SPTLC3: variants seen among roughly 807,000 people sequenced by gnomAD.
The protein encoded by SPTLC3 is serine palmitoyltransferase long chain base subunit 3, also known as serine palmitoyltransferase 3.
Under a neutral mutation model 59.3 loss-of-function variants are expected in SPTLC3, and 36 were observed. The observed-to-expected ratio is 0.61, with a 90% CI of 0.47 to 0.80. SPTLC3 has a LOEUF of 0.80. Ranked by LOEUF, SPTLC3 falls within the 30% of genes least tolerant of loss-of-function variation. The pLI, the probability that SPTLC3 is intolerant of heterozygous loss-of-function variation, is 0.00. For synonymous variants in SPTLC3, 257 were observed against 240.8 expected, an observed-to-expected ratio of 1.07 and a Z score of -0.62; for missense variants, 625 against 685.1, an observed-to-expected ratio of 0.91 and a Z score of 0.98.
Position 13,158,868 on chromosome 20 carries a change from G to A in SPTLC3, c.1416-1135G>A, listed in dbSNP as rs564784776. On this transcript the variant is annotated intron_variant, in intron 10 of 11. Transcript: ENST00000399002. ...ATGGAAGAGCAGGCTTATTCTCCAC[G>A]TCTGGTTCAAGAATTCTTCCTGAGC... Among the ~76,000 whole-genome samples, 5 of 152,280 alleles carry A rather than the reference G, an allele frequency of 3.3e-5. No individual in the cohort carries two copies. In the South Asian group the frequency reaches 6.2e-4, roughly 19 times the overall value.
At chr20:13,022,648 G>A (rs538541197) in intron 1 of SPTLC3, among the ~76,000 whole-genome samples, 50 of 152,238 alleles carry the variant, frequency 3.3e-4, no homozygotes, top group African/African-American at 1.2e-3. Context: ...GATCGATGCA[G>A]CCATAAACAA....
intron 10 of SPTLC3, among the ~76,000 whole-genome samples, chr20:13,158,234 C>T (rs183783251): frequency 3.0e-4 from 45 of 152,220 alleles, no homozygotes; most frequent in Non-Finnish European, 2.8e-4. Context: ...TTCTTTTAGC[C>T]TATTGCCAAT....
At chr20:13,048,804 C>A (rs1987342347) in intron 1 of SPTLC3, 141 bp from the exon 2 acceptor site, 1 of 737,456 alleles carries the variant, frequency 1.4e-6, no homozygotes, top group East Asian at 2.9e-5. Context: ...TGATTACCCT[C>A]TTCAATGGTC....
At position 13,075,947 on chromosome 20, in the gene SPTLC3, C is replaced by A. The variant is rs1988632036; in HGVS notation, c.607+1450C>A. Among the ~76,000 whole-genome samples the A allele has an allele frequency of 3.9e-5, 6 of 152,282 alleles. No homozygotes were observed. The South Asian group carries it at 8.3e-4, about 21-fold the overall frequency. ...GAAGCCAGATATGGAACATGGGTCC[C>A]CGACTCCATAGGTTTAGCAAACCTT... is the stretch of plus-strand genomic sequence containing the variant. On this transcript the variant is annotated intron_variant, in intron 4 of 11. Transcript: ENST00000399002.
At chr20:13,028,714 C>T (rs1330866373) in intron 1 of SPTLC3, among the ~76,000 whole-genome samples, 2 of 152,114 alleles carry the variant, frequency 1.3e-5, no homozygotes, top group Non-Finnish European at 2.9e-5. Flanking sequence ...CTATTCTTCT[C>T]TGCTGGTTTT....
chr20:13,114,693 T>G (rs554074464), intron 7 of SPTLC3, among the ~76,000 whole-genome samples: 1 of 152,342 alleles, frequency 6.6e-6, no homozygotes, highest in Non-Finnish European at 1.5e-5. Context: ...AGAAAACATT[T>G]GTTACTTTAC....
In SPTLC3 at chr20:13,120,950, C is replaced by A. The variant is rs558115054; in HGVS notation, c.1152+3225C>A. On this transcript the variant is annotated intron_variant, in intron 8 of 11. Transcript: ENST00000399002. ...CATGGAGGAGTCTGTCCTTTCAAGA[C>A]CTTCCTGATGAAATTCCAGATCACT... 5.3e-5 allele frequency among the ~76,000 whole-genome samples: 8 copies of A among 152,332 alleles called. No individual in the cohort carries two copies. The South Asian group carries it at 1.7e-3, about 32-fold the overall frequency.
intron 9 of SPTLC3, among the ~76,000 whole-genome samples, chr20:13,140,906 T>C (rs2038365997): frequency 6.6e-6 from 1 of 151,900 alleles, no homozygotes; most frequent in South Asian, 2.1e-4. Context: ...AATTTTATCA[T>C]GAGATTGCCA....
At chr20:13,125,922 G>A (rs1320607874) in intron 8 of SPTLC3, among the ~76,000 whole-genome samples, 5 of 152,210 alleles carry the variant, frequency 3.3e-5, no homozygotes, top group Non-Finnish European at 7.3e-5. Flanking sequence ...CAGACAGTGA[G>A]AGAATTACAG....
At chr20:13,163,218 A>G (rs1460747049) in intron 11 of SPTLC3, among the ~76,000 whole-genome samples, 2 of 151,888 alleles carry the variant, frequency 1.3e-5, no homozygotes, top group Admixed American at 6.6e-5. Flanking sequence ...AAATACAAAA[A>G]TTAGCCAGGC....
At chr20:13,153,627 G>T (rs1335935664) in intron 9 of SPTLC3, among the ~76,000 whole-genome samples, 1 of 152,024 alleles carries the variant, frequency 6.6e-6, no homozygotes, top group African/African-American at 2.4e-5. Flanking sequence ...AAGTGTGGGG[G>T]GTGGGGGAAG....
chr20:13,022,385 C>T (rs1195179862), intron 1 of SPTLC3, among the ~76,000 whole-genome samples: 2 of 152,166 alleles, frequency 1.3e-5, no homozygotes, highest in Non-Finnish European at 2.9e-5. Flanking sequence ...AACAATGCAG[C>T]CCAACACACA....
intron 1 of SPTLC3, among the ~76,000 whole-genome samples, chr20:13,047,238 T>G (rs1029132028): frequency 1.3e-5 from 2 of 152,158 alleles, no homozygotes; most frequent in Admixed American, 1.3e-4. Flanking sequence ...TCACAGAGAT[T>G]CCAAAAATTC....
At chr20:13,138,022 GCCACCAAC>G (rs2122865919) in intron 9 of SPTLC3, among the ~76,000 whole-genome samples, 1 of 152,224 alleles carries the variant, frequency 6.6e-6, no homozygotes, top group South Asian at 2.1e-4. Flanking sequence ...TCTAGTTCTT[GCCACCAAC>G]CCAGGGAGAC....
chr20:13,056,375 T>G (rs1987724011), intron 2 of SPTLC3, among the ~76,000 whole-genome samples: 2 of 152,014 alleles, frequency 1.3e-5, no homozygotes, highest in African/African-American at 2.4e-5. Flanking sequence ...GAGTGACAGG[T>G]TCTAATTAAC....
chr20:13,131,303 G>T (rs2038115393), intron 9 of SPTLC3, among the ~76,000 whole-genome samples: 1 of 152,174 alleles, frequency 6.6e-6, no homozygotes, highest in Non-Finnish European at 1.5e-5. Context: ...GAGTTTGTAT[G>T]ATGTGGCTAA....
chr20:13,060,270 T>C (rs1414426341), intron 2 of SPTLC3, among the ~76,000 whole-genome samples: 2 of 152,128 alleles, frequency 1.3e-5, no homozygotes, highest in East Asian at 3.8e-4. Flanking sequence ...ATACGCAAAA[T>C]CGCATCTAAG....
At chr20:13,127,346 C>G (rs1323137567) in intron 9 of SPTLC3, among the ~76,000 whole-genome samples, 1 of 152,184 alleles carries the variant, frequency 6.6e-6, no homozygotes, top group Non-Finnish European at 1.5e-5. Flanking sequence ...ATGTCACACA[C>G]CAGAGGGGAT....
chr20:13,072,129 T>C, intron 2 of SPTLC3, 127 bp from the exon 3 acceptor site: 3 of 1,069,350 alleles, frequency 2.8e-6, no homozygotes, highest in South Asian at 3.5e-5. Flanking sequence ...CCTACTGACC[T>C]TTGCTCAAAA....
Sources: allele counts gnomAD v4.1 joint callset (sites outside exome capture counted in the v4.1 genomes callset), GRCh38; gene constraint gnomAD v4.1.1; transcripts MANE v1.5; gene names NCBI Gene and HGNC (gene_info 2026-07-23, HGNC 2026-07-21).